UST: variants seen among roughly 807,000 people sequenced by gnomAD.
UST encodes the protein uronyl 2-sulfotransferase, also known as chondroitin sulfate 2-O-sulfotransferase.
A neutral mutation model predicts 45.6 loss-of-function variants in UST; 21 were observed. That is an observed-to-expected ratio of 0.46 (90% CI 0.33 to 0.66). The LOEUF (loss-of-function observed/expected upper bound fraction) is 0.66. Among genes scored for constraint, UST ranks in the 30% least tolerant of loss-of-function variants. The pLI, the probability that UST is intolerant of heterozygous loss-of-function variation, is 0.02. For synonymous variants in UST, 215 were observed against 200.6 expected (o/e 1.07, Z -0.61); for missense variants, 463 against 512.4 (o/e 0.90, Z 0.93).
chr6:148,790,147 G>A lies in UST; in HGVS notation c.247+42470G>A, dbSNP rs1196267747. ...AGACTTTAGCTGCTTCCTGTAGCTC[G>A]TTCCCTGACAGTGTTCATGTAGCGT... On this transcript the variant is annotated intron_variant, in intron 1 of 7. Coordinates refer to ENST00000367463, the MANE Select transcript of UST (RefSeq NM_005715.3). This position sits in a 1 kb window ranked among gnomAD's most constrained non-coding sequence, Gnocchi z 4.2. Among the ~76,000 whole-genome samples, 1 of 152,090 alleles carries A rather than the reference G, an allele frequency of 6.6e-6. No homozygotes were observed. The highest frequency in any genetic ancestry group is 2.4e-5 in the African/African-American group (1 of 41,390).
At chr6:148,852,314 G>C (rs1463708340) in intron 1 of UST, among the ~76,000 whole-genome samples, 1 of 152,176 alleles carries the variant, frequency 6.6e-6, no homozygotes, top group Non-Finnish European at 1.5e-5. Flanking sequence ...CGAAACATAT[G>C]TTGCGTTTGG....
chr6:148,848,333 T>C (rs898804258), intron 1 of UST, among the ~76,000 whole-genome samples: 5 of 152,136 alleles, frequency 3.3e-5, no homozygotes, highest in African/African-American at 4.8e-5. Context: ...CAATGTTTTT[T>C]CCCGCAAACT....
intron 5 of UST, among the ~76,000 whole-genome samples, chr6:148,995,661 G>A (rs1210672233): frequency 6.6e-6 from 1 of 152,196 alleles, no homozygotes; most frequent in Non-Finnish European, 1.5e-5. Context: ...TTTCATATAT[G>A]GGTTTTGTTG....
intron 1 of UST, among the ~76,000 whole-genome samples, chr6:148,846,160 C>T (rs1401610439): frequency 6.6e-6 from 1 of 150,768 alleles, no homozygotes; most frequent in Non-Finnish European, 1.5e-5. Flanking sequence ...ATGTTTATTG[C>T]GGCACTATTC....
At chr6:148,858,968 T>G (rs535725279) in intron 1 of UST, among the ~76,000 whole-genome samples, 8 of 152,300 alleles carry the variant, frequency 5.3e-5, no homozygotes, top group African/African-American at 1.9e-4. Flanking sequence ...TACGTGTGCA[T>G]GTGTCTTTAT....
At chr6:149,000,400 G>A (rs369779608) in intron 5 of UST, among the ~76,000 whole-genome samples, 17 of 152,146 alleles carry the variant, frequency 1.1e-4, no homozygotes, top group African/African-American at 1.9e-4. Flanking sequence ...CCGGGAGTCC[G>A]GATGGTAGAA....
At chr6:148,811,916 G>A (rs1397586403) in intron 1 of UST, among the ~76,000 whole-genome samples, 4 of 152,226 alleles carry the variant, frequency 2.6e-5, no homozygotes, top group Non-Finnish European at 5.9e-5. Context: ...TTGCAGGCAT[G>A]TTTTAAAATC....
At chr6:148,810,102 G>C (rs1041037026) in intron 1 of UST, among the ~76,000 whole-genome samples, 1 of 152,198 alleles carries the variant, frequency 6.6e-6, no homozygotes, top group Non-Finnish European at 1.5e-5. Context: ...TTAGTAGCTA[G>C]AAGATAAAAC....
At chr6:148,777,160 C>T (rs1776550660) in intron 1 of UST, among the ~76,000 whole-genome samples, 4 of 152,180 alleles carry the variant, frequency 2.6e-5, no homozygotes, top group Admixed American at 6.5e-5. Flanking sequence ...GGCTCACTTA[C>T]CGCACTTAAA....
intron 5 of UST, among the ~76,000 whole-genome samples, chr6:148,974,260 T>C (rs1562317736): frequency 6.6e-6 from 1 of 151,918 alleles, no homozygotes; most frequent in Admixed American, 6.6e-5. Flanking sequence ...TAGAAACAGG[T>C]ATTATAGATG....
intron 1 of UST, among the ~76,000 whole-genome samples, chr6:148,886,493 G>A (rs192253573): frequency 6.6e-6 from 1 of 152,304 alleles, no homozygotes; most frequent in East Asian, 1.9e-4. Flanking sequence ...AAGCAAGCTA[G>A]CCTGAAGAGA....
intron 1 of UST, among the ~76,000 whole-genome samples, chr6:148,870,108 A>T (rs1219417843): frequency 2.4e-5 from 3 of 126,462 alleles, no homozygotes; most frequent in African/African-American, 3.1e-5. Flanking sequence ...AATGTTTCAC[A>T]CACACACACA....
intron 1 of UST, among the ~76,000 whole-genome samples, chr6:148,754,476 G>A (rs1244403490): frequency 6.6e-6 from 1 of 152,066 alleles, no homozygotes; most frequent in Non-Finnish European, 1.5e-5. Flanking sequence ...CTTTCTCCCT[G>A]AGTCCCCAAA....
In UST at chr6:148,789,968, T is replaced by C. The variant is rs1182405847; in HGVS notation, c.247+42291T>C. On this transcript the variant is annotated intron_variant, in intron 1 of 7. Coordinates refer to ENST00000367463, the MANE Select transcript of UST (RefSeq NM_005715.3). ...TCAGTGAAAACCAAAAGCTTTTTTC[T>C]GTCATCAAGATTTCAGGATTCTTTT... Among the ~76,000 whole-genome samples the C allele has an allele frequency of 3.3e-5, 5 of 151,062 alleles. No individual in the cohort carries two copies. In the South Asian group the frequency reaches 1.0e-3, roughly 32 times the overall value.
rs544904481 is a variant in UST, at chr6:148,990,652, C to A, written c.681+26089C>A. On this transcript the variant is annotated intron_variant, in intron 5 of 7. Transcript: ENST00000367463. ...AGCCAGCAGGAAACAGTAGCAGATC[C>A]TGACAATCCCCAGACGTCCCAGGGA... Among the ~76,000 whole-genome samples the A allele has an allele frequency of 3.9e-5, 6 of 152,250 alleles. No individual in the cohort carries two copies. The East Asian group carries it at 1.2e-3, about 29-fold the overall frequency.
chr6:149,074,398 G>C lies in UST; in HGVS notation c.*282G>C, dbSNP rs1316749849. ...CAGCTTTCCCCCACCCCATATCATGGGAAAAGGGGGAGAAATATAGCCCCT... is the reference window on the plus strand; with the variant it reads ...CAGCTTTCCCCCACCCCATATCATGCGAAAAGGGGGAGAAATATAGCCCCT... On this transcript the variant is annotated 3_prime_UTR_variant, in exon 8 of 8. Coordinates refer to ENST00000367463, the MANE Select transcript of UST (RefSeq NM_005715.3). 5 of 428,482 alleles carry C rather than the reference G, an allele frequency of 1.2e-5. No individual in the cohort carries two copies. The highest frequency in any genetic ancestry group is 2.1e-5 in the Non-Finnish European group (5 of 239,012). The allele number at this position is 428,482 out of a possible 1,614,324, so 26.5% of individuals were successfully genotyped here.
intron 1 of UST, among the ~76,000 whole-genome samples, chr6:148,764,033 T>C (rs1776272221): frequency 6.6e-6 from 1 of 152,312 alleles, no homozygotes; most frequent in Non-Finnish European, 1.5e-5. Flanking sequence ...TCTGTGAAAA[T>C]GACATCGGTA....
chr6:149,017,144 G>A (rs1412014782), intron 5 of UST, among the ~76,000 whole-genome samples: 1 of 152,218 alleles, frequency 6.6e-6, no homozygotes, highest in Non-Finnish European at 1.5e-5. Flanking sequence ...TTGGGAGGCC[G>A]AGGCGGGCGG....
At chr6:148,814,360 A>G (rs1238413062) in intron 1 of UST, among the ~76,000 whole-genome samples, 3 of 152,156 alleles carry the variant, frequency 2.0e-5, no homozygotes, top group South Asian at 4.1e-4. Context: ...CAAAGTACCT[A>G]TAGGAGGTGT....
Sources: allele counts gnomAD v4.1 joint callset (sites outside exome capture counted in the v4.1 genomes callset), GRCh38; gene constraint gnomAD v4.1.1; non-coding constraint Gnocchi (gnomAD v3.1); transcripts MANE v1.5; gene names NCBI Gene and HGNC (gene_info 2026-07-23, HGNC 2026-07-21).